Variants in CBX5 observed in about 807,000 individuals in gnomAD.
CBX5 encodes the protein chromobox protein homolog 5.
CBX5 carries 7 observed loss-of-function variants against 20.7 expected under a neutral mutation model. The ratio of observed to expected loss-of-function variants is 0.34; its 90% CI spans 0.19 to 0.63. CBX5 has a LOEUF of 0.63. Ranked by LOEUF, CBX5 falls within the 30% of genes least tolerant of loss-of-function variation. The pLI, the probability that CBX5 is intolerant of heterozygous loss-of-function variation, is 0.75. For synonymous variants in CBX5, 78 were observed against 77.0 expected (o/e 1.01, Z -0.07); for missense variants, 110 against 224.1 (o/e 0.49, Z 3.25).
chr12:54,253,727 CAAAAAAAAAAAA>C (rs58403125), intron 2 of CBX5, among the ~76,000 whole-genome samples: 6 of 70,882 alleles, frequency 8.5e-5, no homozygotes, highest in African/African-American at 2.9e-4. Flanking sequence ...GATACCATCT[CAAAAAAAAAAAA>C]AAAAAAAAAA....
Position 54,234,312 on chromosome 12 carries a change from A to G in CBX5, c.*7443T>C, listed in dbSNP as rs886158301. On this transcript the variant is annotated 3_prime_UTR_variant, in exon 5 of 5. Coordinates refer to ENST00000209875, the MANE Select transcript of CBX5 (RefSeq NM_012117.3). The stretch of plus-strand genomic sequence containing the variant: ...TCACATTAAACAGGTACAGGTGCTA[A>G]GAAAGTTTAAGACTGATCTTTTGGC... The G allele has an allele frequency of 6.6e-6, 1 of 151,694 alleles. No individual in the cohort carries two copies. The highest frequency in any genetic ancestry group is 2.4e-5 in the African/African-American group (1 of 41,272). The allele number at this position is 151,694 out of a possible 1,614,324, so 9.4% of individuals were successfully genotyped here.
rs775023786 is a variant in CBX5, at chr12:54,234,135, C to T, written c.*7620G>A. On this transcript the variant is annotated 3_prime_UTR_variant, in exon 5 of 5. Coordinates refer to ENST00000209875, the MANE Select transcript of CBX5 (RefSeq NM_012117.3). ...CGGAGGTTGCAGTGAGCCAAGATCA[C>T]GCCACTGCACTCCAGCCTGGGCAAA... is the stretch of plus-strand genomic sequence containing the variant. The T allele has an allele frequency of 1.2e-4, 16 of 138,984 alleles. No homozygotes were observed. The highest frequency in any genetic ancestry group is 2.1e-4 in the Non-Finnish European group (14 of 66,592). The allele number at this position is 138,984 out of a possible 1,614,324, so 8.6% of individuals were successfully genotyped here.
Position 54,233,217 on chromosome 12 carries a change from A to C in CBX5, c.*8538T>G, listed in dbSNP as rs1464821443. ...GGGGATGAAAATATTCTCTGTAACT[A>C]ATCATATAGACTCTTGAATTCTTTC... On this transcript the variant is annotated 3_prime_UTR_variant, in exon 5 of 5. Transcript: ENST00000209875. The C allele has an allele frequency of 3.9e-5, 6 of 152,232 alleles. No individual in the cohort carries two copies. The highest frequency in any genetic ancestry group is 8.8e-5 in the Non-Finnish European group (6 of 68,038). 9.4% of individuals were successfully genotyped at this position (152,232 alleles called of 1,614,324 possible). A position where few individuals can be genotyped will look rare whatever the true frequency, so the allele number is the denominator to read the frequency against.
intron 1 of CBX5, among the ~76,000 whole-genome samples, chr12:54,274,959 T>C (rs762343840): frequency 1.3e-5 from 2 of 151,664 alleles, no homozygotes; most frequent in African/African-American, 4.8e-5. Flanking sequence ...CAAATCTCAA[T>C]AGAAACAAAA....
rs1312385370 is a variant in CBX5, at chr12:54,246,080, A to G, written c.425+35T>C. ...CACAAATTCAAGTCACTGGCAAAGAAACACAATTGTAAAGCGAAGCCAAAT... is the reference window on the plus strand; with the variant it reads ...CACAAATTCAAGTCACTGGCAAAGAGACACAATTGTAAAGCGAAGCCAAAT... On this transcript the variant is annotated intron_variant, in intron 4 of 4. Coordinates refer to ENST00000209875, the MANE Select transcript of CBX5 (RefSeq NM_012117.3). 2.1e-6 allele frequency: 3 copies of G among 1,422,438 alleles called. No homozygotes were observed. The African/African-American group carries it at 4.2e-5, about 20-fold the overall frequency. 88.1% of individuals were successfully genotyped at this position (1,422,438 alleles called of 1,614,324 possible).
intron 1 of CBX5, among the ~76,000 whole-genome samples, chr12:54,263,778 A>AG (rs1221147841): frequency 4.7e-4 from 71 of 150,018 alleles, no homozygotes; most frequent in African/African-American, 1.3e-3. Context: ...AAAAAAAAAA[A>AG]AAAAAGAAAA....
rs572916919 is a variant in CBX5, at chr12:54,257,039, T to C, written c.137+475A>G. On this transcript the variant is annotated intron_variant, in intron 2 of 4. Transcript: ENST00000209875. ...CCACCACACTTAATTTTTTTATTTTTAGTAGATGGAGTTTCACCATGTTGG... is the reference window on the plus strand; with the variant it reads ...CCACCACACTTAATTTTTTTATTTTCAGTAGATGGAGTTTCACCATGTTGG... Among the ~76,000 whole-genome samples the C allele has an allele frequency of 1.3e-3, 202 of 151,904 alleles. 1 individual carries two copies. The highest frequency in any genetic ancestry group is 6.8e-3 in the Middle Eastern group (2 of 294).
intron 1 of CBX5, among the ~76,000 whole-genome samples, chr12:54,263,614 C>T (rs1402398120): frequency 6.6e-6 from 1 of 151,182 alleles, no homozygotes; most frequent in Non-Finnish European, 1.5e-5. Flanking sequence ...ATCCCAGCTA[C>T]TCGGGAGGCT....
intron 2 of CBX5, among the ~76,000 whole-genome samples, chr12:54,256,529 A>G (rs1943864559): frequency 6.6e-6 from 1 of 152,104 alleles, no homozygotes; most frequent in Non-Finnish European, 1.5e-5. Context: ...CTTTTAGTGT[A>G]TTTAGGTCCT....
chr12:54,269,802 T>C (rs918639666), intron 1 of CBX5, among the ~76,000 whole-genome samples: 5 of 152,134 alleles, frequency 3.3e-5, no homozygotes, highest in African/African-American at 1.2e-4. Flanking sequence ...AGAGGTCTCA[T>C]TATGTTTCCT....
chr12:54,266,162 C>CT (rs1367687303), intron 1 of CBX5, among the ~76,000 whole-genome samples: 1 of 151,998 alleles, frequency 6.6e-6, no homozygotes, highest in Non-Finnish European at 1.5e-5. Flanking sequence ...AATCCCAGCA[C>CT]TTTGAGAGGC....
chr12:54,264,569 G>A (rs879563072), intron 1 of CBX5, among the ~76,000 whole-genome samples: 3 of 152,202 alleles, frequency 2.0e-5, no homozygotes, highest in Non-Finnish European at 2.9e-5. Context: ...CCAGCCGGGC[G>A]CAGTGGCTCA....
At position 54,233,343 on chromosome 12, in the gene CBX5, C is replaced by A. The variant is rs1026861582; in HGVS notation, c.*8412G>T. On this transcript the variant is annotated 3_prime_UTR_variant, in exon 5 of 5. Coordinates refer to ENST00000209875, the MANE Select transcript of CBX5 (RefSeq NM_012117.3). ...ATTTACTTTGGATTCTGGTAGAAAT[C>A]ATTATGTCTCTTATCCTAAACTGAG... 1.3e-5 allele frequency: 2 copies of A among 152,112 alleles called. No homozygotes were observed. The highest frequency in any genetic ancestry group is 2.9e-5 in the Non-Finnish European group (2 of 68,012). 9.4% of individuals were successfully genotyped at this position (152,112 alleles called of 1,614,324 possible). A position where few individuals can be genotyped will look rare whatever the true frequency, so the allele number is the denominator to read the frequency against.
intron 1 of CBX5, chr12:54,276,882 G>GA (rs1330236350): frequency 3.3e-5 from 5 of 152,144 alleles, no homozygotes; most frequent in African/African-American, 1.2e-4. Flanking sequence ...AGAATCCCAG[G>GA]AAAAGAAAGA....
intron 1 of CBX5, chr12:54,258,530 A>C (rs2137022435): frequency 6.6e-6 from 1 of 152,350 alleles, no homozygotes; most frequent in Non-Finnish European, 1.5e-5. Context: ...ACTCAGCATC[A>C]ACATGAAGCC....
intron 3 of CBX5, among the ~76,000 whole-genome samples, chr12:54,249,164 A>G (rs899818999): frequency 6.6e-6 from 1 of 152,106 alleles, no homozygotes; most frequent in South Asian, 2.1e-4. Context: ...AGGTCAGGAG[A>G]TTGAGACCAT....
chr12:54,259,404 G>C lies in CBX5; in HGVS notation c.-42-1712C>G, dbSNP rs374654827. 2.7e-3 allele frequency: 418 copies of C among 152,552 alleles called. 1 individual carries two copies. The highest frequency in any genetic ancestry group is 9.4e-3 in the African/African-American group (389 of 41,570). The allele number at this position is 152,552 out of a possible 1,614,324, so 9.4% of individuals were successfully genotyped here. ...CCAGGAAAAACAAGGATTTACATGT[G>C]TTCTTCATTTTGAGGGAGAGACAAG... On this transcript the variant is annotated intron_variant, in intron 1 of 4. Transcript: ENST00000209875.
intron 1 of CBX5, among the ~76,000 whole-genome samples, chr12:54,276,155 G>C (rs1399127984): frequency 6.6e-6 from 1 of 151,948 alleles, no homozygotes; most frequent in Non-Finnish European, 1.5e-5. Context: ...ATCTTTCAAA[G>C]TAAAACACAT....
At position 54,240,526 on chromosome 12, in the gene CBX5, C is replaced by A. The variant is rs1943666355; in HGVS notation, c.*1229G>T. ...ACAGGCGGTAGCCACTGTGCCTGGCCATGAAAATTCATTTTAAAAAATAAG... is the reference window on the plus strand; with the variant it reads ...ACAGGCGGTAGCCACTGTGCCTGGCAATGAAAATTCATTTTAAAAAATAAG... On this transcript the variant is annotated 3_prime_UTR_variant, in exon 5 of 5. Coordinates refer to ENST00000209875, the MANE Select transcript of CBX5 (RefSeq NM_012117.3). 2 of 151,814 alleles carry A rather than the reference C, an allele frequency of 1.3e-5. No homozygotes were observed. Among genetic ancestry groups the A allele is most frequent in the African/African-American group, 2.4e-5 (1 of 41,274 alleles). 9.4% of individuals were successfully genotyped at this position (151,814 alleles called of 1,614,324 possible). A position where few individuals can be genotyped will look rare whatever the true frequency, so the allele number is the denominator to read the frequency against.
Sources: allele counts gnomAD v4.1 joint callset (sites outside exome capture counted in the v4.1 genomes callset), GRCh38; gene constraint gnomAD v4.1.1; transcripts MANE v1.5; gene names NCBI Gene and HGNC (gene_info 2026-07-23, HGNC 2026-07-21).